The following TRMT2B variants were observed in gnomAD, a reference collection of about 807,000 sequenced individuals.
TRMT2B encodes tRNA (uracil-5-)-methyltransferase homolog B.
In TRMT2B, 34 loss-of-function variants were observed where a neutral mutation model predicts 39.7. The observed-to-expected ratio is 0.86, with a 90% confidence interval of 0.65 to 1.14. The LOEUF is 1.14. Among genes scored for constraint, TRMT2B ranks in the 50% most tolerant of loss-of-function variants. The pLI is 0.00. For missense variants in TRMT2B, 318 were observed against 377.2 expected (o/e 0.84, Z 1.30); for synonymous variants, 132 against 137.3 (o/e 0.96, Z 0.27).
Position 101,051,442 on chromosome X carries a change from T to C in TRMT2B, c.-215A>G. 1.3e-6 allele frequency: 1 copy of C among 754,419 alleles called. No individual in the cohort carries two copies. The highest frequency in any genetic ancestry group is 1.6e-6 in the Non-Finnish European group (1 of 639,444). The allele number at this position is 754,419 out of a possible 1,213,427, so 62.2% of individuals were successfully genotyped here. A position where few individuals can be genotyped will look rare whatever the true frequency, so the allele number is the denominator to read the frequency against. On this transcript the variant is annotated 5_prime_UTR_variant, in exon 2 of 14. Transcript: ENST00000372936. ...GCCCACAGGCAGTCAGGTCCTTGTC[T>C]CCCCAACAAGACTCCACTAGCCCTT...
chrX:101,045,479 A>G (rs1005564270), intron 2 of TRMT2B, among the ~76,000 whole-genome samples: 1 of 107,259 alleles, frequency 9.3e-6, no homozygotes, highest in Non-Finnish European at 1.9e-5. Flanking sequence ...AACAATAAAC[A>G]AAAAAACAGG....
the TRMT2B span, among the ~76,000 whole-genome samples, chrX:100,973,428 C>T: frequency 4.7e-5 from 5 of 105,968 alleles, no homozygotes; most frequent in African/African-American, 1.7e-4. Flanking sequence ...TCCCGGGCGG[C>T]GCTCGCCGGC....
intron 7 of TRMT2B, among the ~76,000 whole-genome samples, chrX:101,033,845 T>A (rs1871433021): frequency 9.6e-6 from 1 of 103,834 alleles, no homozygotes; most frequent in Non-Finnish European, 2.0e-5. Context: ...AACATTTCCT[T>A]TTTTTTTTTT....
At chrX:100,983,382 C>T in the TRMT2B span, among the ~76,000 whole-genome samples, 1 of 109,682 alleles carries the variant, frequency 9.1e-6, no homozygotes, top group Non-Finnish European at 1.9e-5. Flanking sequence ...TTGAGACAGA[C>T]GTCTCGCTCT....
chrX:101,041,959 T>A (rs988214999), intron 3 of TRMT2B, 83 bp downstream of exon 3: 1 of 1,119,616 alleles, frequency 8.9e-7, no homozygotes, highest in Non-Finnish European at 1.2e-6. Flanking sequence ...TAATGCTACA[T>A]TAGTTACACT....
At chrX:101,041,616 C>A (rs1193018287) in intron 3 of TRMT2B, among the ~76,000 whole-genome samples, 1 of 111,736 alleles carries the variant, frequency 8.9e-6, no homozygotes, top group Non-Finnish European at 1.9e-5. Context: ...TGTTGGGTTT[C>A]TTTAAATAGC....
In TRMT2B at chrX:101,021,289, T is replaced by C; in HGVS notation, c.878A>G (p.Gln293Arg). ...CCCAAACAGAAGCTGATAGGGAGAC[T>C]GCTGATGGCTGCAACGGGTCATGGT... ...ESTMTRCSHQ[Q>R]SPYQLLFGEP... Residue 293 changes from glutamine to arginine, a missense_variant, in exon 10 of 14, where the codon CAG becomes CGG. Transcript: ENST00000372936. The C allele has an allele frequency of 1.7e-6, 2 of 1,210,169 alleles. No homozygotes were observed. The highest frequency in any genetic ancestry group is 2.2e-6 in the Non-Finnish European group (2 of 894,372).
In TRMT2B at chrX:101,035,341, T is replaced by A. The variant is rs767112007; in HGVS notation, c.609+272A>T. ...CCTGACACTTGCTATAGTACCCTCATCAGCACTTCTTCCTAATACATCCCT... is the reference window on the plus strand; with the variant it reads ...CCTGACACTTGCTATAGTACCCTCAACAGCACTTCTTCCTAATACATCCCT... On this transcript the variant is annotated intron_variant, in intron 7 of 13. Coordinates refer to ENST00000372936, the MANE Select transcript of TRMT2B (RefSeq NM_024917.6). Among the ~76,000 whole-genome samples, 5 of 112,202 alleles carry A rather than the reference T, an allele frequency of 4.5e-5. No individual in the cohort carries two copies. In the East Asian group the frequency reaches 1.4e-3, roughly 31 times the overall value.
intron 7 of TRMT2B, among the ~76,000 whole-genome samples, chrX:101,027,584 T>C (rs1217266705): frequency 9.2e-6 from 1 of 108,209 alleles, no homozygotes; most frequent in Non-Finnish European, 1.9e-5. Context: ...CCTTTACTGG[T>C]TCTTCCTCTT....
the TRMT2B span, chrX:100,987,389 G>C: frequency 1.7e-6 from 2 of 1,207,398 alleles, no homozygotes; most frequent in Non-Finnish European, 2.2e-6. Context: ...TTTTGTCACA[G>C]GAGCCATGTT....
At chrX:101,042,015 GA>G (rs1232285252) in intron 3 of TRMT2B, 26 bp downstream of exon 3, 5 of 1,207,518 alleles carry the variant, frequency 4.1e-6, no homozygotes, top group Non-Finnish European at 5.6e-6. Context: ...ACCTGCTAAG[GA>G]GAGAGGACAT....
At chrX:100,999,525 A>G in the TRMT2B span, among the ~76,000 whole-genome samples, 8 of 112,138 alleles carry the variant, frequency 7.1e-5, no homozygotes, top group African/African-American at 2.6e-4. Flanking sequence ...TCCAGCCCAA[A>G]AACAATCAAA....
At chrX:100,974,724 T>G in the TRMT2B span, among the ~76,000 whole-genome samples, 1 of 111,558 alleles carries the variant, frequency 9.0e-6, no homozygotes. Flanking sequence ...TAATACCAGG[T>G]CTCTAGTTCA....
chrX:101,020,511 C>T lies in TRMT2B; in HGVS notation c.1144G>A (p.Ala382Thr). 8.3e-7 allele frequency: 1 copy of T among 1,210,066 alleles called. No individual in the cohort carries two copies. Among genetic ancestry groups the T allele is most frequent in the Non-Finnish European group, 1.1e-6 (1 of 894,021 alleles). Reference sequence around the variant, plus strand: ...CCATTGAAGGCTGCAGTCCATCTTGCATCCTCCACTGCCTGCTCCAACAAT... The same window carrying T: ...CCATTGAAGGCTGCAGTCCATCTTGTATCCTCCACTGCCTGCTCCAACAAT... ...IELLEQAVED[A>T]RWTAAFNGIT... The change falls in exon 11 of 14, where the codon GCA becomes ACA. Residue 382 changes from alanine (A) to threonine (T), a missense_variant. Ala to Thr is a moderately conservative substitution (Grantham distance 58). Transcript: ENST00000372936.
the TRMT2B span, among the ~76,000 whole-genome samples, chrX:100,989,918 G>A: frequency 8.9e-6 from 1 of 112,990 alleles, no homozygotes; most frequent in African/African-American, 3.2e-5. Flanking sequence ...AAGGGGTGAG[G>A]ATGAGAGCAG....
At chrX:101,029,662 G>A (rs908788274) in intron 7 of TRMT2B, among the ~76,000 whole-genome samples, 1 of 111,707 alleles carries the variant, frequency 9.0e-6, no homozygotes. Context: ...TTATAGGGGT[G>A]CAAAAGTACT....
chrX:101,015,791 C>A (rs2086480805), intron 13 of TRMT2B: 1 of 133,240 alleles, frequency 7.5e-6, no homozygotes, highest in African/African-American at 6.7e-5. Flanking sequence ...GCATACCATG[C>A]CGGGCACAGT....
chrX:100,978,917 T>A, the TRMT2B span, among the ~76,000 whole-genome samples: 1 of 111,138 alleles, frequency 9.0e-6, no homozygotes, highest in African/African-American at 3.3e-5. Context: ...CATTTTTTTT[T>A]AATATTCACC....
the TRMT2B span, among the ~76,000 whole-genome samples, chrX:100,993,566 C>T: frequency 6.6e-4 from 74 of 111,440 alleles, no homozygotes; most frequent in Non-Finnish European, 1.2e-3. Context: ...GGGATTGTAC[C>T]CTATGAAGGT....
Sources: gnomAD v4.1 joint callset for allele counts (sites outside exome capture counted in the v4.1 genomes callset) on GRCh38, gnomAD v4.1.1 for gene constraint, MANE v1.5 for transcripts, NCBI Gene and HGNC (gene_info 2026-07-23, HGNC 2026-07-21) for gene names.